SEMA6D: variants seen among roughly 807,000 people sequenced by gnomAD.
SEMA6D encodes semaphorin-6D.
SEMA6D carries 35 observed loss-of-function variants against 106.6 expected under a neutral mutation model. That is an observed-to-expected ratio of 0.33 (90% confidence interval 0.25 to 0.44). The LOEUF is 0.44. SEMA6D is among the 20% of genes least tolerant of loss of function. The pLI is 1.00. For missense variants in SEMA6D, 1,185 were observed against 1,345.9 expected (o/e 0.88, Z 1.87); for synonymous variants, 499 against 487.7 (o/e 1.02, Z -0.31).
chr15:47,760,459 CT>C (rs2081999362), intron 3 of SEMA6D, 44 bp downstream of exon 3: 3 of 1,445,740 alleles, frequency 2.1e-6, no homozygotes, highest in Non-Finnish European at 2.9e-6. Flanking sequence ...ATTCTTTTCT[CT>C]TGTGGTGCTT....
chr15:47,358,290 G>T (rs534861551), intron 1 of SEMA6D, among the ~76,000 whole-genome samples: 1 of 152,202 alleles, frequency 6.6e-6, no homozygotes, highest in Non-Finnish European at 1.5e-5. Flanking sequence ...TGGAAGACCC[G>T]CTATGGATGT....
rs1460756849 is a variant in SEMA6D, at chr15:47,772,065, A to G, written c.*280A>G. ...AGCTCACAGGGGCTACCTTACCAGT[A>G]TAAAGAGCTGATAACAGTACTCAGA... is the stretch of plus-strand genomic sequence containing the variant. On this transcript the variant is annotated 3_prime_UTR_variant, in exon 19 of 19. Coordinates refer to ENST00000536845, the MANE Select transcript of SEMA6D (RefSeq NM_001358351.3). The G allele has an allele frequency of 4.9e-6, 2 of 411,874 alleles. No homozygotes were observed. Among genetic ancestry groups the G allele is most frequent in the African/African-American group, 3.9e-5 (2 of 50,880 alleles). 25.5% of individuals were successfully genotyped at this position (411,874 alleles called of 1,614,324 possible).
At chr15:47,279,464 G>A (rs1219775886) in intron 1 of SEMA6D, among the ~76,000 whole-genome samples, 22 of 147,158 alleles carry the variant, frequency 1.5e-4, no homozygotes, top group Middle Eastern at 3.5e-3. Flanking sequence ...CAATCATGTC[G>A]TCTGCAAACA....
intron 1 of SEMA6D, among the ~76,000 whole-genome samples, chr15:47,387,286 T>C (rs2039872713): frequency 6.6e-6 from 1 of 152,224 alleles, no homozygotes; most frequent in African/African-American, 2.4e-5. Context: ...TTACTGATAT[T>C]AAGGTTGAGG....
chr15:47,745,448 A>T (rs1187259664), intron 1 of SEMA6D, among the ~76,000 whole-genome samples: 3 of 152,168 alleles, frequency 2.0e-5, no homozygotes, highest in Non-Finnish European at 2.9e-5. Flanking sequence ...CATGTTCTCT[A>T]CCCCGTACGC....
intron 3 of SEMA6D, among the ~76,000 whole-genome samples, chr15:47,529,916 T>TTTCATG (rs752242475): frequency 2.0e-5 from 3 of 152,222 alleles, no homozygotes; most frequent in Non-Finnish European, 4.4e-5. Context: ...GCCTTCCATG[T>TTTCATG]TTCATGTTCA....
At chr15:47,768,984 A>G (rs748606671) in intron 18 of SEMA6D, among the ~76,000 whole-genome samples, 4 of 152,316 alleles carry the variant, frequency 2.6e-5, no homozygotes, top group South Asian at 2.1e-4. Flanking sequence ...CACTCAGACA[A>G]TCTAATCTGT....
At chr15:47,253,037 T>C (rs1273803174) in intron 1 of SEMA6D, among the ~76,000 whole-genome samples, 12 of 152,160 alleles carry the variant, frequency 7.9e-5, no homozygotes, top group Admixed American at 7.9e-4. Context: ...TTCCTCTTTC[T>C]CCACATTCTC....
At chr15:47,545,456 A>T (rs1045733489) in intron 3 of SEMA6D, among the ~76,000 whole-genome samples, 1 of 152,146 alleles carries the variant, frequency 6.6e-6, no homozygotes, top group Non-Finnish European at 1.5e-5. Context: ...AATTTGTGTC[A>T]TGATACAACA....
rs532073707 is a variant in SEMA6D, at chr15:47,599,442, C to G, written c.-86-1423C>G. 1.6e-4 allele frequency among the ~76,000 whole-genome samples: 14 copies of G among 87,544 alleles called. No individual in the cohort carries two copies. The East Asian group carries it at 4.6e-3, about 29-fold the overall frequency. The allele number at this position is 87,544 out of a possible 152,430, so 57.4% of individuals were successfully genotyped here. ...TGGAGATCTAATGGGGAAAGGTCTG[C>G]CTTACGCTTTTTTTTTTTCTCAAAA... On this transcript the variant is annotated intron_variant, in intron 3 of 19. Coordinates refer to the SEMA6D transcript ENST00000558014.
At chr15:47,739,469 G>T (rs908377374) in intron 1 of SEMA6D, among the ~76,000 whole-genome samples, 2 of 152,146 alleles carry the variant, frequency 1.3e-5, no homozygotes, top group Non-Finnish European at 2.9e-5. Flanking sequence ...CAGGTCTCAG[G>T]GCTTTTAATC....
intron 1 of SEMA6D, among the ~76,000 whole-genome samples, chr15:47,739,208 G>A (rs2080642887): frequency 6.6e-6 from 1 of 152,156 alleles, no homozygotes; most frequent in African/African-American, 2.4e-5. Flanking sequence ...GAGAGATTGT[G>A]TTTATAAACT....
chr15:47,711,241 C>T (rs1182074891), intron 4 of SEMA6D, among the ~76,000 whole-genome samples: 1 of 132,304 alleles, frequency 7.6e-6, no homozygotes, highest in African/African-American at 2.9e-5. Flanking sequence ...ACCCGGGAGG[C>T]GGAGCTTGCA....
chr15:47,378,459 G>A (rs2145566699), intron 1 of SEMA6D, among the ~76,000 whole-genome samples: 1 of 152,282 alleles, frequency 6.6e-6, no homozygotes, highest in South Asian at 2.1e-4. Flanking sequence ...TTGCGCCACT[G>A]CACTCCAGCC....
At chr15:47,227,786 A>G (rs1288218466) in intron 1 of SEMA6D, among the ~76,000 whole-genome samples, 1 of 149,836 alleles carries the variant, frequency 6.7e-6, no homozygotes, top group Non-Finnish European at 1.5e-5. Flanking sequence ...CTAATGATAT[A>G]TGACGTTGTG....
chr15:47,352,892 A>G lies in SEMA6D; in HGVS notation c.-238-59501A>G, dbSNP rs183992363. On this transcript the variant is annotated intron_variant, in intron 1 of 19. Coordinates refer to the SEMA6D transcript ENST00000558014. The stretch of plus-strand genomic sequence containing the variant: ...ATGCAGTTAACATCATGTAGATACA[A>G]CAAGGCTGATAGAATTTCATGAAAC... Among the ~76,000 whole-genome samples, 14 of 152,330 alleles carry G rather than the reference A, an allele frequency of 9.2e-5. No individual in the cohort carries two copies. The East Asian group carries it at 1.3e-3, about 15-fold the overall frequency.
At chr15:47,345,943 G>A (rs1229240867) in intron 1 of SEMA6D, among the ~76,000 whole-genome samples, 1 of 152,000 alleles carries the variant, frequency 6.6e-6, no homozygotes, top group Non-Finnish European at 1.5e-5. Context: ...AATTTATTAG[G>A]CTATACCTTT....
In SEMA6D at chr15:47,565,273, G is replaced by A. The variant is rs147382940; in HGVS notation, c.-86-35592G>A. On this transcript the variant is annotated intron_variant, in intron 3 of 19. Transcript: ENST00000558014. Reference sequence around the variant, plus strand: ...TTTGCTCCTGCTGGTGCCCCAAAGCGCTCACCCCAGCTCCTGCACCCACTC... The same window carrying A: ...TTTGCTCCTGCTGGTGCCCCAAAGCACTCACCCCAGCTCCTGCACCCACTC... Among the ~76,000 whole-genome samples the A allele has an allele frequency of 9.2e-5, 14 of 152,264 alleles. No homozygotes were observed. In the East Asian group the frequency reaches 1.5e-3, roughly 17 times the overall value.
intron 3 of SEMA6D, among the ~76,000 whole-genome samples, chr15:47,587,163 A>C (rs2076356373): frequency 6.6e-6 from 1 of 152,054 alleles, no homozygotes; most frequent in South Asian, 2.1e-4. Context: ...GGGAGGAGCA[A>C]AGCTGAAGGA....
Sources: gnomAD v4.1 joint callset for allele counts (sites outside exome capture counted in the v4.1 genomes callset) on GRCh38, gnomAD v4.1.1 for gene constraint, MANE v1.5 for transcripts, NCBI Gene and HGNC (gene_info 2026-07-23, HGNC 2026-07-21) for gene names.